TMC1: variants seen among roughly 807,000 people sequenced by gnomAD.
TMC1 encodes transmembrane channel like 1.
A neutral mutation model predicts 105.8 loss-of-function variants in TMC1; 84 were observed. That is an observed-to-expected ratio of 0.79 (90% CI 0.67 to 0.95). The LOEUF is 0.95. TMC1 is among the 40% of genes least tolerant of loss of function. TMC1 has a pLI of 0.00. For synonymous variants in TMC1, 315 were observed against 311.5 expected, an observed-to-expected ratio of 1.01 and a Z score of -0.12; for missense variants, 817 against 914.1, an observed-to-expected ratio of 0.89 and a Z score of 1.37.
chr9:72,569,896 G>A (rs147708335), intron 1 of TMC1, among the ~76,000 whole-genome samples: 9 of 152,284 alleles, frequency 5.9e-5, no homozygotes, highest in African/African-American at 1.9e-4. Flanking sequence ...GTTAAGTCCT[G>A]AGGCGTGAAG....
intron 12 of TMC1, among the ~76,000 whole-genome samples, chr9:72,770,279 C>T (rs949280950): frequency 1.3e-5 from 2 of 148,712 alleles, no homozygotes; most frequent in South Asian, 2.1e-4. Context: ...CACATACACA[C>T]ATATACATAT....
intron 5 of TMC1, among the ~76,000 whole-genome samples, chr9:72,673,089 A>G (rs1031189944): frequency 8.5e-5 from 13 of 152,188 alleles, no homozygotes; most frequent in Non-Finnish European, 1.8e-4. Flanking sequence ...AATATTTGGT[A>G]ACTAATATCA....
At chr9:72,708,765 G>A (rs180855861) in intron 8 of TMC1, among the ~76,000 whole-genome samples, 44 of 151,982 alleles carry the variant, frequency 2.9e-4, no homozygotes, top group African/African-American at 7.5e-4. Context: ...TTTCTTTCTC[G>A]TGTCTGATTG....
intron 21 of TMC1, among the ~76,000 whole-genome samples, chr9:72,827,746 C>G (rs1480592063): frequency 6.6e-6 from 1 of 152,192 alleles, no homozygotes; most frequent in Non-Finnish European, 1.5e-5. Context: ...CTGAGTGCCT[C>G]CTACATAGAA....
At chr9:72,609,300 A>T (rs947317700) in intron 2 of TMC1, among the ~76,000 whole-genome samples, 3 of 151,134 alleles carry the variant, frequency 2.0e-5, no homozygotes, top group African/African-American at 7.3e-5. Context: ...GCACTTTGGG[A>T]TGCCGAGGTG....
intron 7 of TMC1, among the ~76,000 whole-genome samples, chr9:72,698,292 G>A (rs1202176516): frequency 2.0e-5 from 3 of 152,104 alleles, no homozygotes; most frequent in African/African-American, 7.2e-5. Flanking sequence ...TTATTTTAAA[G>A]GGTTAATATG....
At position 72,713,021 on chromosome 9, in the gene TMC1, A is replaced by AT. The variant is rs1275916761; in HGVS notation, c.362+12380dup. 3.0e-4 allele frequency among the ~76,000 whole-genome samples: 45 copies of AT among 152,142 alleles called. 1 individual carries two copies. Among genetic ancestry groups the AT allele is most frequent in the Non-Finnish European group, 1.5e-5 (1 of 68,006 alleles). On this transcript the variant is annotated intron_variant, in intron 8 of 23. Transcript: ENST00000297784. ...TTTGTTGAAGGCCTTTTCTGCATCT[A>AT]TTGAGATAATCATGTGGTTTTTGTG... is the stretch of plus-strand genomic sequence containing the variant.
At chr9:72,730,727 G>A (rs1433534477) in intron 8 of TMC1, among the ~76,000 whole-genome samples, 5 of 152,188 alleles carry the variant, frequency 3.3e-5, no homozygotes, top group Admixed American at 3.3e-4. Flanking sequence ...TCACCATAAT[G>A]TGGAATCAGT....
At chr9:72,609,228 C>G (rs1824982135) in intron 2 of TMC1, among the ~76,000 whole-genome samples, 1 of 142,170 alleles carries the variant, frequency 7.0e-6, no homozygotes, top group Admixed American at 7.4e-5. Flanking sequence ...TTCCTTCCTT[C>G]CTTTTTGCTA....
intron 4 of TMC1, among the ~76,000 whole-genome samples, chr9:72,646,669 C>T (rs1462632779): frequency 1.3e-5 from 2 of 151,392 alleles, no homozygotes; most frequent in African/African-American, 2.4e-5. Flanking sequence ...AGTCTCGCCC[C>T]GTCCTGCAGA....
chr9:72,567,031 G>A (rs1449376440), intron 1 of TMC1, among the ~76,000 whole-genome samples: 1 of 152,180 alleles, frequency 6.6e-6, no homozygotes, highest in Non-Finnish European at 1.5e-5. Context: ...TGTGGGGGCA[G>A]ATGTTCCTTT....
chr9:72,730,496 T>C (rs1240315788), intron 8 of TMC1, among the ~76,000 whole-genome samples: 1 of 152,146 alleles, frequency 6.6e-6, no homozygotes, highest in East Asian at 1.9e-4. Context: ...TTGTTGCACA[T>C]TGGAATTGTT....
intron 13 of TMC1, among the ~76,000 whole-genome samples, chr9:72,782,821 C>T (rs778302097): frequency 2.6e-5 from 4 of 152,070 alleles, no homozygotes; most frequent in South Asian, 2.1e-4. Context: ...ATTCCATGCT[C>T]ATAGATGGGA....
rs1213749646 is a variant in TMC1 at position 72,524,480 on chromosome 9, G to C, written c.-428+2567G>C. ...GTAATATTAACCACATTTTAATAGA[G>C]ACTAATAATACATGATAAACTTCTC... is the stretch of plus-strand genomic sequence containing the variant. On this transcript the variant is annotated intron_variant, in intron 1 of 23. Transcript: ENST00000297784. 5.9e-4 allele frequency among the ~76,000 whole-genome samples: 89 copies of C among 152,052 alleles called. 3 individuals carry two copies. The highest frequency in any genetic ancestry group is 5.8e-3 in the Admixed American group (89 of 15,254).
chr9:72,670,813 T>C (rs1025086937), intron 5 of TMC1, among the ~76,000 whole-genome samples: 2 of 152,168 alleles, frequency 1.3e-5, no homozygotes, highest in African/African-American at 4.8e-5. Flanking sequence ...TTAATGAACA[T>C]CAAAACATGT....
chr9:72,586,112 AT>A (rs892718833), intron 2 of TMC1, among the ~76,000 whole-genome samples: 1 of 152,192 alleles, frequency 6.6e-6, no homozygotes, highest in African/African-American at 2.4e-5. Flanking sequence ...CTGGCATTTT[AT>A]ATGGAAACTT....
chr9:72,702,959 C>T (rs1826669814), intron 8 of TMC1, among the ~76,000 whole-genome samples: 1 of 151,986 alleles, frequency 6.6e-6, no homozygotes, highest in Non-Finnish European at 1.5e-5. Context: ...GGAGACCGCA[C>T]CTGACTCTAA....
chr9:72,756,168 C>G (rs1016910418), intron 12 of TMC1, among the ~76,000 whole-genome samples: 5 of 152,196 alleles, frequency 3.3e-5, no homozygotes, highest in African/African-American at 1.2e-4. Flanking sequence ...CTTTCCATTT[C>G]AATTCAGCAT....
chr9:72,800,557 G>C lies in TMC1; in HGVS notation c.1567-4825G>C, dbSNP rs1000609052. On this transcript the variant is annotated intron_variant, in intron 17 of 23. Coordinates refer to ENST00000297784, the MANE Select transcript of TMC1 (RefSeq NM_138691.3). ...ATGTTTCAGATGCAGATGGTTCTGC[G>C]ATAGTCCCACACATACTGACTTAAA... Among the ~76,000 whole-genome samples the C allele has an allele frequency of 1.3e-5, 2 of 151,956 alleles. 1 individual carries two copies.
Sources: allele counts gnomAD v4.1 joint callset (sites outside exome capture counted in the v4.1 genomes callset), GRCh38; gene constraint gnomAD v4.1.1; transcripts MANE v1.5; gene names NCBI Gene and HGNC (gene_info 2026-07-23, HGNC 2026-07-21).